Variants in SMAP1 observed in about 807,000 individuals in gnomAD.
SMAP1 encodes small ArfGAP 1, also known as stromal membrane-associated protein 1.
SMAP1 carries 24 observed loss-of-function variants against 58.5 expected under a neutral mutation model. The observed-to-expected ratio is 0.41, with a 90% CI of 0.30 to 0.58. The LOEUF is 0.58. SMAP1 is among the 20% of genes least tolerant of loss of function. The pLI is 0.29. For synonymous variants in SMAP1, 216 were observed against 196.6 expected, an observed-to-expected ratio of 1.10 and a Z score of -0.82; for missense variants, 563 against 566.3, an observed-to-expected ratio of 0.99 and a Z score of 0.06.
chr6:70,834,371 C>CAAAAAAAAAAAAAA (rs3034191), intron 6 of SMAP1, among the ~76,000 whole-genome samples: 1 of 136,358 alleles, frequency 7.3e-6, no homozygotes, highest in Non-Finnish European at 1.6e-5. Flanking sequence ...TAAAATACAC[C>CAAAAAAAAAAAAAA]AAAAAAAAAA....
chr6:70,763,713 A>T (rs1463162640), intron 3 of SMAP1, among the ~76,000 whole-genome samples: 2 of 152,230 alleles, frequency 1.3e-5, no homozygotes, highest in South Asian at 2.1e-4. Flanking sequence ...TGAATAATAA[A>T]AAAGCAAAAC....
chr6:70,828,112 T>C (rs913549349), intron 6 of SMAP1, among the ~76,000 whole-genome samples: 1 of 152,142 alleles, frequency 6.6e-6, no homozygotes, highest in Non-Finnish European at 1.5e-5. Flanking sequence ...CAAACAGATA[T>C]AGTAATTATA....
At chr6:70,744,781 TC>T (rs2149877213) in intron 2 of SMAP1, among the ~76,000 whole-genome samples, 1 of 152,348 alleles carries the variant, frequency 6.6e-6, no homozygotes, top group Admixed American at 6.5e-5. Flanking sequence ...TAATTTACAG[TC>T]CCACCAACAG....
chr6:70,857,161 C>A, intron 9 of SMAP1, 131 bp downstream of exon 9: 2 of 861,502 alleles, frequency 2.3e-6, no homozygotes, highest in Non-Finnish European at 3.3e-6. Context: ...GTTTATACAA[C>A]TATGAAGCCG....
At chr6:70,817,858 A>T (rs1199283950) in intron 6 of SMAP1, among the ~76,000 whole-genome samples, 1 of 152,166 alleles carries the variant, frequency 6.6e-6, no homozygotes, top group African/African-American at 2.4e-5. Context: ...AGAATTTTAG[A>T]AATTGAGAAT....
intron 1 of SMAP1, among the ~76,000 whole-genome samples, chr6:70,673,856 G>T (rs776182086): frequency 1.2e-4 from 19 of 152,110 alleles, no homozygotes; most frequent in Non-Finnish European, 2.2e-4. Context: ...GCTGCATGTT[G>T]TCTCCCCTCC....
At chr6:70,726,440 T>C (rs897010693) in intron 1 of SMAP1, among the ~76,000 whole-genome samples, 5 of 152,218 alleles carry the variant, frequency 3.3e-5, no homozygotes, top group African/African-American at 9.7e-5. Context: ...CTGTAAGTCA[T>C]TGTGATAAAT....
chr6:70,810,791 G>A (rs111423587), intron 6 of SMAP1, among the ~76,000 whole-genome samples: 4,548 of 152,172 alleles, frequency 0.03, 141 homozygotes, highest in South Asian at 0.11. Flanking sequence ...TGACCAGGCC[G>A]GTCTTGAACT....
chr6:70,804,312 GTT>G (rs551493045), intron 6 of SMAP1, among the ~76,000 whole-genome samples: 5 of 136,838 alleles, frequency 3.7e-5, no homozygotes, highest in Non-Finnish European at 3.2e-5. Context: ...TGCAACCCCT[GTT>G]TTTTTTTTTT....
chr6:70,709,089 G>A (rs1008662920), intron 1 of SMAP1, among the ~76,000 whole-genome samples: 2 of 151,228 alleles, frequency 1.3e-5, no homozygotes, highest in African/African-American at 4.8e-5. Context: ...AGGTTTTTGT[G>A]TGTGTGTGTG....
chr6:70,832,079 G>A (rs182875100), intron 6 of SMAP1, among the ~76,000 whole-genome samples: 6 of 152,148 alleles, frequency 3.9e-5, no homozygotes, highest in Admixed American at 3.3e-4. Context: ...TTTGAAAAGC[G>A]CTTATGTCCT....
chr6:70,742,302 C>T (rs972383793), intron 2 of SMAP1, among the ~76,000 whole-genome samples: 1 of 152,218 alleles, frequency 6.6e-6, no homozygotes, highest in Non-Finnish European at 1.5e-5. Context: ...CAAGTCACCT[C>T]TTGAATGCTT....
intron 6 of SMAP1, among the ~76,000 whole-genome samples, chr6:70,805,175 A>G (rs1769064848): frequency 6.6e-6 from 1 of 151,960 alleles, no homozygotes; most frequent in South Asian, 2.1e-4. Context: ...ATAGTTTCAT[A>G]TTTCTTGGAG....
intron 3 of SMAP1, among the ~76,000 whole-genome samples, chr6:70,765,457 G>T (rs762650001): frequency 3.4e-4 from 52 of 152,228 alleles, no homozygotes; most frequent in Non-Finnish European, 6.6e-4. Context: ...ATACATTTAA[G>T]GAAGACTAGT....
chr6:70,860,389 G>A lies in SMAP1; in HGVS notation c.*55G>A, dbSNP rs564021927. The A allele has an allele frequency of 2.5e-5, 39 of 1,561,674 alleles. No homozygotes were observed. The African/African-American group carries it at 3.0e-4, about 12-fold the overall frequency. ...ACCACCTGACATTCCTTGCTGAAACGCATCTAGTTCCCCTGTTTATTCATA... is the reference window on the plus strand; with the variant it reads ...ACCACCTGACATTCCTTGCTGAAACACATCTAGTTCCCCTGTTTATTCATA... On this transcript the variant is annotated 3_prime_UTR_variant, in exon 11 of 11. Transcript: ENST00000370455.
intron 5 of SMAP1, among the ~76,000 whole-genome samples, chr6:70,792,774 T>A (rs1768422282): frequency 6.6e-6 from 1 of 152,090 alleles, no homozygotes; most frequent in East Asian, 1.9e-4. Context: ...AGGAGCCTTC[T>A]CATGAGCCCA....
intron 3 of SMAP1, among the ~76,000 whole-genome samples, chr6:70,761,629 A>G (rs750056240): frequency 6.6e-6 from 1 of 152,028 alleles, no homozygotes; most frequent in Non-Finnish European, 1.5e-5. Context: ...TCTTGCTACC[A>G]TGGACCCTAT....
At chr6:70,756,810 A>G (rs1766510769) in intron 3 of SMAP1, among the ~76,000 whole-genome samples, 1 of 152,202 alleles carries the variant, frequency 6.6e-6, no homozygotes, top group African/African-American at 2.4e-5. Context: ...CCAACTTACA[A>G]GGGATGTGAA....
chr6:70,809,072 G>A (rs757847746), intron 6 of SMAP1, among the ~76,000 whole-genome samples: 19 of 152,006 alleles, frequency 1.2e-4, no homozygotes, highest in Non-Finnish European at 2.4e-4. Context: ...TGTCTCTTGT[G>A]CAGATATTTG....
Sources: gnomAD v4.1 joint callset for allele counts (sites outside exome capture counted in the v4.1 genomes callset) on GRCh38, gnomAD v4.1.1 for gene constraint, MANE v1.5 for transcripts, NCBI Gene and HGNC (gene_info 2026-07-23, HGNC 2026-07-21) for gene names.